The following MALRD1 variants were observed in gnomAD, a reference collection of about 807,000 sequenced individuals.
The protein encoded by MALRD1 is MAM and LDL receptor class A domain containing 1.
A neutral mutation model predicts 242.1 loss-of-function variants in MALRD1; 247 were observed. The observed-to-expected ratio is 1.02, with a 90% CI of 0.92 to 1.13. The LOEUF (loss-of-function observed/expected upper bound fraction) is 1.13. MALRD1 is among the 50% of genes most tolerant of loss of function. The probability of loss-of-function intolerance (pLI) is 0.00; values close to 1 mark genes in which losing one functional copy is unlikely to be tolerated. For synonymous variants in MALRD1, 995 were observed against 866.6 expected (o/e 1.15, Z -2.60); for missense variants, 2,989 against 2,533.1 (o/e 1.18, Z -3.86).
intron 29 of MALRD1, among the ~76,000 whole-genome samples, chr10:19,479,249 T>C (rs1201128714): frequency 6.6e-6 from 1 of 152,184 alleles, no homozygotes; most frequent in Non-Finnish European, 1.5e-5. Context: ...AAATAGGAAA[T>C]GCACCATTGT....
chr10:19,052,608 C>A (rs1441842387), intron 1 of MALRD1, among the ~76,000 whole-genome samples: 2 of 152,166 alleles, frequency 1.3e-5, no homozygotes, highest in Non-Finnish European at 2.9e-5. Context: ...CGTGCAACAA[C>A]AGCCCTCTAG....
In MALRD1 at chr10:19,665,484, AG is replaced by A. The variant is rs1460869455; in HGVS notation, c.6138-26795del. Among the ~76,000 whole-genome samples the A allele has an allele frequency of 2.0e-5, 3 of 152,208 alleles. No individual in the cohort carries two copies. The East Asian group carries it at 5.8e-4, about 29-fold the overall frequency. ...TTATGTTCTGTTTTCAGGCAGATAAAGGGAATGGTAGAGTTCATTCTCTGTG... is the reference window on the plus strand; with the variant it reads ...TTATGTTCTGTTTTCAGGCAGATAAAGGAATGGTAGAGTTCATTCTCTGTG... On this transcript the variant is annotated intron_variant, in intron 36 of 39. Transcript: ENST00000454679.
chr10:19,284,597 C>G (rs187587997), intron 21 of MALRD1, among the ~76,000 whole-genome samples: 1 of 151,304 alleles, frequency 6.6e-6, no homozygotes, highest in Non-Finnish European at 1.5e-5. Context: ...TTTTTGATGG[C>G]TGCGTAGTAT....
chr10:19,469,446 A>C (rs1413333294), intron 29 of MALRD1, among the ~76,000 whole-genome samples: 1 of 152,132 alleles, frequency 6.6e-6, no homozygotes, highest in Admixed American at 6.5e-5. Flanking sequence ...AGATAGTCAC[A>C]CAACAAAATT....
At chr10:19,146,377 T>A in intron 11 of MALRD1, 33 bp downstream of exon 11, 2 of 1,221,690 alleles carry the variant, frequency 1.6e-6, no homozygotes, top group Non-Finnish European at 2.0e-6. Context: ...AAAAAATAGT[T>A]TTCTTTCTTG....
chr10:19,134,027 CTAAAGT>C (rs1328285648), intron 9 of MALRD1, 79 bp downstream of exon 9: 1 of 616,400 alleles, frequency 1.6e-6, no homozygotes, highest in Non-Finnish European at 2.3e-6. Flanking sequence ...CCATGCACTG[CTAAAGT>C]TAAATTAGCA....
At chr10:19,210,684 C>G (rs912153288) in intron 18 of MALRD1, among the ~76,000 whole-genome samples, 1 of 125,694 alleles carries the variant, frequency 8.0e-6, no homozygotes, top group Admixed American at 8.8e-5. Flanking sequence ...AAACTTAGCT[C>G]CAGGCCACCT....
Position 19,498,544 on chromosome 10 carries a change from A to G in MALRD1, c.5218A>G (p.Thr1740Ala). The G allele has an allele frequency of 6.4e-7, 1 of 1,550,448 alleles. No individual in the cohort carries two copies. Among genetic ancestry groups the G allele is most frequent in the Non-Finnish European group, 8.7e-7 (1 of 1,146,886 alleles). Residue 1740 changes from threonine to alanine, a missense_variant, in exon 31 of 40, where the codon ACA becomes GCA. Coordinates refer to ENST00000454679, the MANE Select transcript of MALRD1 (RefSeq NM_001142308.3). ...TGAAACAAGTTCAGGAAACTGGACC[A>G]CAGCCTGCAGTCTTACTCAAGACTC... is the stretch of plus-strand genomic sequence containing the variant. ...NFETSSGNWT[T>A]ACSLTQDSED...
chr10:19,348,023 G>A lies in MALRD1; in HGVS notation c.4149+5G>A, dbSNP rs1844208214. On this transcript the variant is annotated splice_donor_5th_base_variant and intron_variant, in intron 25 of 39. Transcript: ENST00000454679. Reference sequence around the variant, plus strand: ...AAGAGAAGCAAAAACTGCAAGGTATGGGGAAAATCGAACCAACCAACCAAA... The same window carrying A: ...AAGAGAAGCAAAAACTGCAAGGTATAGGGAAAATCGAACCAACCAACCAAA... 3.9e-6 allele frequency: 6 copies of A among 1,547,768 alleles called. No homozygotes were observed. The South Asian group carries it at 4.8e-5, about 12-fold the overall frequency.
intron 30 of MALRD1, among the ~76,000 whole-genome samples, chr10:19,495,086 C>T (rs1302011759): frequency 2.0e-5 from 3 of 151,842 alleles, no homozygotes; most frequent in Non-Finnish European, 4.4e-5. Flanking sequence ...AAGCAATTCT[C>T]CCGCCTCAGC....
chr10:19,233,042 T>A (rs1838151840), intron 18 of MALRD1, among the ~76,000 whole-genome samples: 1 of 152,222 alleles, frequency 6.6e-6, no homozygotes, highest in Non-Finnish European at 1.5e-5. Context: ...CAATTTTTTT[T>A]AGTTTTAAAA....
At chr10:19,709,123 T>C (rs1833994835) in intron 38 of MALRD1, among the ~76,000 whole-genome samples, 2 of 145,664 alleles carry the variant, frequency 1.4e-5, no homozygotes, top group African/African-American at 4.9e-5. Flanking sequence ...ATTTCCATTA[T>C]GACTGGGTGC....
intron 2 of MALRD1, among the ~76,000 whole-genome samples, chr10:19,086,493 C>T (rs1014049003): frequency 6.6e-6 from 1 of 152,160 alleles, no homozygotes; most frequent in East Asian, 1.9e-4. Flanking sequence ...GAATGCTCAA[C>T]ATTTATTTTA....
chr10:19,435,314 C>T (rs1218413120), intron 28 of MALRD1, among the ~76,000 whole-genome samples: 3 of 152,006 alleles, frequency 2.0e-5, no homozygotes, highest in African/African-American at 7.2e-5. Context: ...TAACATCTTA[C>T]ATTAGAATAG....
Position 19,113,008 on chromosome 10 carries a change from C to A in MALRD1, c.694+8933C>A, listed in dbSNP as rs542690859. Among the ~76,000 whole-genome samples the A allele has an allele frequency of 2.5e-3, 386 of 152,046 alleles. 1 individual carries two copies. Among genetic ancestry groups the A allele is most frequent in the Non-Finnish European group, 4.6e-3 (316 of 67,984 alleles). The stretch of plus-strand genomic sequence containing the variant: ...AAATATTATTGAGGGAATGTCCTAC[C>A]TTATTTCTTAAATTTTCTCCTCTTA... On this transcript the variant is annotated intron_variant, in intron 5 of 39. Coordinates refer to ENST00000454679, the MANE Select transcript of MALRD1 (RefSeq NM_001142308.3).
chr10:19,616,059 C>T (rs924890911), intron 36 of MALRD1, 136 bp downstream of exon 36: 2 of 579,242 alleles, frequency 3.5e-6, no homozygotes, highest in East Asian at 2.9e-5. Context: ...GTACTATTTA[C>T]ATTTATCTGT....
intron 36 of MALRD1, among the ~76,000 whole-genome samples, chr10:19,661,472 C>T (rs1484043821): frequency 6.6e-6 from 1 of 152,130 alleles, no homozygotes; most frequent in African/African-American, 2.4e-5. Context: ...AAGATGAGTT[C>T]ATGTCCTTTG....
At chr10:19,556,323 T>A (rs983135671) in intron 32 of MALRD1, among the ~76,000 whole-genome samples, 1 of 152,150 alleles carries the variant, frequency 6.6e-6, no homozygotes, top group Non-Finnish European at 1.5e-5. Flanking sequence ...ACACTAGGGC[T>A]TACTCTGGGT....
chr10:19,479,543 G>A (rs1703683178), intron 29 of MALRD1, among the ~76,000 whole-genome samples: 1 of 152,184 alleles, frequency 6.6e-6, no homozygotes. Context: ...TCACGAAGCT[G>A]TTTTGAGAAT....
Sources: gnomAD v4.1 joint callset for allele counts (sites outside exome capture counted in the v4.1 genomes callset) on GRCh38, gnomAD v4.1.1 for gene constraint, MANE v1.5 for transcripts, NCBI Gene and HGNC (gene_info 2026-07-23, HGNC 2026-07-21) for gene names.